Variants in KATNA1 observed in about 807,000 individuals in gnomAD.
KATNA1 encodes katanin p60 ATPase-containing subunit A1.
A neutral mutation model predicts 62.6 loss-of-function variants in KATNA1; 42 were observed. That is an observed-to-expected ratio of 0.67 (90% CI 0.52 to 0.87). The LOEUF (loss-of-function observed/expected upper bound fraction) is 0.87, where lower values mean the gene tolerates loss of function less well. Ranked by LOEUF, KATNA1 falls within the 40% of genes least tolerant of loss-of-function variation. The pLI is 0.00. For synonymous variants in KATNA1, 186 were observed against 201.9 expected, an observed-to-expected ratio of 0.92 and a Z score of 0.67; for missense variants, 498 against 612.5, an observed-to-expected ratio of 0.81 and a Z score of 1.97.
intron 1 of KATNA1, among the ~76,000 whole-genome samples, chr6:149,645,877 T>C (rs868322625): frequency 4.0e-5 from 6 of 151,314 alleles, no homozygotes; most frequent in Admixed American, 1.3e-4. Context: ...CAGAGAAAGT[T>C]TTTTTTTTTC....
chr6:149,601,559 G>A, intron 7 of KATNA1, 35 bp downstream of exon 7: 1 of 1,552,874 alleles, frequency 6.4e-7, no homozygotes, highest in Non-Finnish European at 8.7e-7. Flanking sequence ...CTTTTAGAGA[G>A]GTAAAGAATC....
At chr6:149,631,565 AAAAAAAAAAC>A (rs1277202176) in intron 3 of KATNA1, 1 of 41,752 alleles carries the variant, frequency 2.4e-5, no homozygotes. Flanking sequence ...CAAAAAAAAC[AAAAAAAAAAC>A]AAAAAAAAAC....
chr6:149,638,730 GTTTTTTTTTTTTTT>G, intron 1 of KATNA1, 170 bp from the exon 2 acceptor site: 4 of 98,898 alleles, frequency 4.0e-5, no homozygotes, highest in South Asian at 3.3e-4. Context: ...AAAAAACATT[GTTTTTTTTTTTTTT>G]TTTTTTTTTT....
chr6:149,602,075 T>C (rs1005142907), intron 6 of KATNA1, among the ~76,000 whole-genome samples: 1 of 152,182 alleles, frequency 6.6e-6, no homozygotes, highest in Admixed American at 6.5e-5. Context: ...TTTAAAAATA[T>C]AACTTATTCG....
intron 1 of KATNA1, among the ~76,000 whole-genome samples, chr6:149,646,993 C>T (rs954936625): frequency 3.9e-5 from 6 of 152,096 alleles, no homozygotes; most frequent in African/African-American, 1.4e-4. Flanking sequence ...CATCTTGATA[C>T]CAGTTTCAAA....
At chr6:149,603,038 G>A (rs1778608558) in intron 6 of KATNA1, among the ~76,000 whole-genome samples, 1 of 152,112 alleles carries the variant, frequency 6.6e-6, no homozygotes, top group African/African-American at 2.4e-5. Context: ...AAATTTTAAT[G>A]CTGTGTATTC....
At chr6:149,612,664 T>C (rs1779005932) in intron 4 of KATNA1, among the ~76,000 whole-genome samples, 1 of 152,084 alleles carries the variant, frequency 6.6e-6, no homozygotes, top group South Asian at 2.1e-4. Context: ...GGAAAAACTA[T>C]AGACCAGTAT....
intron 4 of KATNA1, among the ~76,000 whole-genome samples, chr6:149,614,537 C>A (rs2115105115): frequency 6.6e-6 from 1 of 152,250 alleles, no homozygotes; most frequent in African/African-American, 2.4e-5. Context: ...TTTTGAGACG[C>A]TGAAATGCAA....
At chr6:149,600,215 A>T (rs1182225010) in intron 7 of KATNA1, among the ~76,000 whole-genome samples, 1 of 150,776 alleles carries the variant, frequency 6.6e-6, no homozygotes, top group Non-Finnish European at 1.5e-5. Flanking sequence ...AAAAAAAAAA[A>T]AAAAAGCTGA....
intron 10 of KATNA1, among the ~76,000 whole-genome samples, chr6:149,596,819 C>CTTT (rs1350293856): frequency 6.6e-6 from 1 of 152,122 alleles, no homozygotes; most frequent in Admixed American, 6.5e-5. Flanking sequence ...ACTTGGCCTC[C>CTTT]CAAAGTGCTG....
chr6:149,623,058 C>T (rs760945729), intron 4 of KATNA1, 45 bp downstream of exon 4: 15 of 1,364,534 alleles, frequency 1.1e-5, no homozygotes, highest in South Asian at 2.8e-5. Flanking sequence ...TTCATTTTTA[C>T]GGTTCAAAAA....
chr6:149,623,242 CT>C lies in KATNA1; in HGVS notation c.361del (p.Ser121ValfsTer54). 1.2e-6 allele frequency: 2 copies of C among 1,610,722 alleles called. No homozygotes were observed. Among genetic ancestry groups the C allele is most frequent in the Non-Finnish European group, 1.7e-6 (2 of 1,179,228 alleles). Reference sequence around the variant, plus strand: ...ACGATTACCATGTGATTTAGGGTCACTGTACTGAGAAGATTGGCGTTTTCTA... The same window carrying C: ...ACGATTACCATGTGATTTAGGGTCACGTACTGAGAAGATTGGCGTTTTCTA... ...GPRKRQSSQY[S>X]DPKSHGNRPS... On this transcript the variant is annotated frameshift_variant, in exon 4 of 11. Coordinates refer to ENST00000367411, the MANE Select transcript of KATNA1 (RefSeq NM_007044.4). LOFTEE classifies it high-confidence loss of function.
At chr6:149,610,099 CAAAAAA>C (rs958933815) in intron 4 of KATNA1, among the ~76,000 whole-genome samples, 2 of 50,190 alleles carry the variant, frequency 4.0e-5, no homozygotes, top group African/African-American at 5.8e-5. Context: ...AACTCCGTCT[CAAAAAA>C]AAAAAAAAAA....
intron 1 of KATNA1, among the ~76,000 whole-genome samples, chr6:149,647,597 C>T (rs1301768989): frequency 6.8e-6 from 1 of 146,052 alleles, no homozygotes; most frequent in East Asian, 2.0e-4. Context: ...TATACTGAGA[C>T]ATTTAAGCCC....
intron 7 of KATNA1, among the ~76,000 whole-genome samples, chr6:149,600,939 C>CA (rs1305515087): frequency 1.3e-5 from 2 of 150,628 alleles, no homozygotes; most frequent in African/African-American, 2.5e-5. Flanking sequence ...GAACCCATTT[C>CA]AAAAAAAAGA....
intron 1 of KATNA1, among the ~76,000 whole-genome samples, chr6:149,644,338 TAGTC>T (rs1780401353): frequency 6.6e-6 from 1 of 151,928 alleles, no homozygotes; most frequent in African/African-American, 2.4e-5. Context: ...AAATCTAAAA[TAGTC>T]AGGCATGGTG....
intron 4 of KATNA1, among the ~76,000 whole-genome samples, chr6:149,607,507 A>G (rs1364234430): frequency 5.9e-5 from 9 of 152,046 alleles, no homozygotes; most frequent in African/African-American, 2.2e-4. Context: ...CCAGCTACTC[A>G]AGAGGCTGAG....
At position 149,597,636 on chromosome 6, in the gene KATNA1, C is replaced by CATGG; in HGVS notation, c.1020_1021insCCAT (p.Gly341ProfsTer6). 6.2e-7 allele frequency: 1 copy of CATGG among 1,613,520 alleles called. No homozygotes were observed. Among genetic ancestry groups the CATGG allele is most frequent in the South Asian group, 1.1e-5 (1 of 90,988 alleles). On this transcript the variant is annotated frameshift_variant, in exon 9 of 11. Coordinates refer to ENST00000367411, the MANE Select transcript of KATNA1 (RefSeq NM_007044.4). LOFTEE classifies it high-confidence loss of function. ...GGGTCATCATTTTCAGAAGTACCTC[C>CATGG]AACACCTAAAATAAGGGTAAGGGGA...
chr6:149,617,939 AAAATAAATAAAT>A (rs1333260724), intron 4 of KATNA1, among the ~76,000 whole-genome samples: 3 of 133,560 alleles, frequency 2.2e-5, no homozygotes, highest in South Asian at 2.3e-4. Context: ...CTTGTCTCCA[AAAATAAATAAAT>A]AAATAAATAA....
Sources: gnomAD v4.1 joint callset for allele counts (sites outside exome capture counted in the v4.1 genomes callset) on GRCh38, gnomAD v4.1.1 for gene constraint, MANE v1.5 for transcripts, NCBI Gene and HGNC (gene_info 2026-07-23, HGNC 2026-07-21) for gene names.